The following MICU2 variants were observed in gnomAD, a reference collection of about 807,000 sequenced individuals.
The protein encoded by MICU2 is mitochondrial calcium uptake 2, also known as calcium uptake protein 2, mitochondrial.
In MICU2, 64 loss-of-function variants were observed where a neutral mutation model predicts 60.4. The ratio of observed to expected loss-of-function variants is 1.06; its 90% CI spans 0.87 to 1.31. The LOEUF (loss-of-function observed/expected upper bound fraction) is 1.31, where lower values mean the gene tolerates loss of function less well. Ranked by LOEUF, MICU2 falls within the 50% of genes most tolerant of loss-of-function variation. The pLI is 0.00. For missense variants in MICU2, 569 were observed against 531.0 expected (o/e 1.07, Z -0.70); for synonymous variants, 201 against 175.0 (o/e 1.15, Z -1.17).
chr13:21,584,241 T>C (rs1470138479), intron 1 of MICU2, among the ~76,000 whole-genome samples: 1 of 151,836 alleles, frequency 6.6e-6, no homozygotes, highest in Non-Finnish European at 1.5e-5. Context: ...TACAAAAAAT[T>C]AGCTGGGCGT....
In MICU2 at chr13:21,510,029, T is replaced by C; in HGVS notation, c.736A>G (p.Lys246Glu). The C allele has an allele frequency of 6.5e-7, 1 of 1,543,258 alleles. No homozygotes were observed. Among genetic ancestry groups the C allele is most frequent in the South Asian group, 1.3e-5 (1 of 76,204 alleles). Residue 246 changes from lysine to glutamate, a missense_variant, in exon 8 of 12, where the codon AAA (lysine) becomes GAA (glutamate). Lys to Glu is a moderately conservative substitution (Grantham distance 56). Transcript: ENST00000382374. ...CTTCGAAATTCTTTATAATGAAGTT[T>C]TCTTTGTCCTCTTTTTCCAAAGAAA... ...MRFFGKRGQR[K>E]LHYKEFRRFM...
chr13:21,504,105 C>T (rs1214002851), intron 8 of MICU2, among the ~76,000 whole-genome samples: 8 of 152,086 alleles, frequency 5.3e-5, no homozygotes, highest in African/African-American at 1.2e-4. Context: ...ACTGAATACA[C>T]GGATTCATCA....
intron 1 of MICU2, among the ~76,000 whole-genome samples, chr13:21,586,573 A>AT (rs1016125531): frequency 2.4e-4 from 36 of 150,394 alleles, no homozygotes; most frequent in East Asian, 1.6e-3. Flanking sequence ...AATCCTGGCC[A>AT]TTTTTTTTTC....
At chr13:21,569,215 G>C (rs527865873) in intron 1 of MICU2, among the ~76,000 whole-genome samples, 84 of 152,170 alleles carry the variant, frequency 5.5e-4, no homozygotes, top group African/African-American at 1.9e-3. Flanking sequence ...ACCAGTACAT[G>C]GTGAGGTATA....
intron 4 of MICU2, among the ~76,000 whole-genome samples, chr13:21,537,974 T>TTCCAGGATTTTGTCCTATTC (rs1374342731): frequency 1.3e-5 from 2 of 152,132 alleles, no homozygotes; most frequent in African/African-American, 4.8e-5. Context: ...CTTTCCTATT[T>TTCCAGGATTTTGTCCTATTC]TCCAGGATTT....
At chr13:21,506,571 T>C (rs1019978674) in intron 8 of MICU2, among the ~76,000 whole-genome samples, 1 of 152,262 alleles carries the variant, frequency 6.6e-6, no homozygotes, top group African/African-American at 2.4e-5. Flanking sequence ...TTTCTGTTTA[T>C]CCTCAGCCTA....
At chr13:21,574,754 A>G (rs1888186290) in intron 1 of MICU2, among the ~76,000 whole-genome samples, 1 of 152,202 alleles carries the variant, frequency 6.6e-6, no homozygotes, top group South Asian at 2.1e-4. Context: ...AATAATCTGG[A>G]TAAAATATAA....
chr13:21,589,082 T>G (rs1466197864), intron 1 of MICU2, among the ~76,000 whole-genome samples: 2 of 152,184 alleles, frequency 1.3e-5, no homozygotes, highest in Non-Finnish European at 1.5e-5. Context: ...GAGTAGGAGT[T>G]TGCATCATGA....
intron 1 of MICU2, among the ~76,000 whole-genome samples, chr13:21,569,327 C>G (rs113259820): frequency 3.9e-5 from 6 of 152,224 alleles, no homozygotes; most frequent in African/African-American, 1.4e-4. Context: ...TCTACTACCC[C>G]CAAACCTTTC....
chr13:21,591,440 A>G (rs772449953), intron 1 of MICU2, among the ~76,000 whole-genome samples: 10 of 152,170 alleles, frequency 6.6e-5, no homozygotes, highest in Non-Finnish European at 1.2e-4. Flanking sequence ...GACTTTTAAC[A>G]CCCCACTGTC....
chr13:21,566,863 G>A lies in MICU2; in HGVS notation c.292C>T (p.His98Tyr). The change falls in exon 2 of 12, where the codon CAT (histidine) becomes TAT (tyrosine). Residue 98 changes from histidine to tyrosine, a missense_variant. Coordinates refer to ENST00000382374, the MANE Select transcript of MICU2 (RefSeq NM_152726.3). The part of the protein sequence containing the change: ...QRFMQFSSLE[H>Y]EGEYYMTPRD... ...GGTGTCATATAATATTCTCCTTCAT[G>A]TTCGAGTGAAGAAAACTGCATGAAG... The A allele has an allele frequency of 6.2e-7, 1 of 1,612,940 alleles. No individual in the cohort carries two copies. Among genetic ancestry groups the A allele is most frequent in the Non-Finnish European group, 8.5e-7 (1 of 1,179,530 alleles).
At chr13:21,501,403 C>T (rs1886152799) in intron 9 of MICU2, among the ~76,000 whole-genome samples, 1 of 152,028 alleles carries the variant, frequency 6.6e-6, no homozygotes, top group African/African-American at 2.4e-5. Context: ...GCTGGGACTA[C>T]AGGCACCTGC....
Position 21,495,191 on chromosome 13 carries a change from C to A in MICU2, c.1170G>T (p.Val390=), listed in dbSNP as rs779477369. 2.5e-6 allele frequency: 4 copies of A among 1,607,484 alleles called. No homozygotes were observed. In the African/African-American group the frequency reaches 4.0e-5, roughly 16 times the overall value. ...AACCTCGATGCATTCTGTTTTTTAA[C>A]ACCCCAAGAAACTCTTCATGACTAA... ...ECLSHEEFLG[V]LKNRMHRGLW... The change falls in exon 11 of 12, where the codon GTG becomes GTT. Residue 390 remains valine (V), a synonymous_variant. Coordinates refer to ENST00000382374, the MANE Select transcript of MICU2 (RefSeq NM_152726.3).
chr13:21,514,322 TATCAATTGTTTGGAA>T lies in MICU2; in HGVS notation c.663+16_663+30del, dbSNP rs1024036405. Reference sequence around the variant, plus strand: ...AACAAAATAGAGTAGCTATTATAAATATCAATTGTTTGGAAATCATCTGTACATACCTGATATCCA... The same window carrying T: ...AACAAAATAGAGTAGCTATTATAAATATCATCTGTACATACCTGATATCCA... On this transcript the variant is annotated intron_variant, in intron 7 of 11. Transcript: ENST00000382374. The T allele has an allele frequency of 2.0e-6, 3 of 1,535,106 alleles. No homozygotes were observed. The highest frequency in any genetic ancestry group is 2.7e-6 in the Non-Finnish European group (3 of 1,118,916).
At chr13:21,592,688 C>T (rs1888609411) in intron 1 of MICU2, among the ~76,000 whole-genome samples, 1 of 152,192 alleles carries the variant, frequency 6.6e-6, no homozygotes, top group South Asian at 2.1e-4. Flanking sequence ...GGTTTCATCC[C>T]TGGGATGCAA....
intron 6 of MICU2, among the ~76,000 whole-genome samples, chr13:21,516,121 T>C (rs1205879300): frequency 3.3e-5 from 5 of 152,192 alleles, no homozygotes; most frequent in Non-Finnish European, 7.3e-5. Context: ...CTCCCAATTA[T>C]TATTTACAGC....
rs1888708006 is a variant in MICU2, at chr13:21,596,923, C to T, written c.210+7016G>A. Among the ~76,000 whole-genome samples the T allele has an allele frequency of 2.0e-5, 3 of 152,020 alleles. No homozygotes were observed. The South Asian group carries it at 6.2e-4, about 32-fold the overall frequency. The stretch of plus-strand genomic sequence containing the variant: ...AGTTTATTAATATAGTTGGTTTTTG[C>T]CATGTCAGGATTATTTTCCAAATTT... On this transcript the variant is annotated intron_variant, in intron 1 of 11. Transcript: ENST00000382374.
chr13:21,522,559 A>G, intron 5 of MICU2, 44 bp downstream of exon 5: 3 of 1,485,748 alleles, frequency 2.0e-6, no homozygotes, highest in Non-Finnish European at 2.8e-6. Context: ...TGGTAAGAAC[A>G]GAGAATTCCA....
chr13:21,585,010 C>G (rs1218182809), intron 1 of MICU2, among the ~76,000 whole-genome samples: 3 of 152,152 alleles, frequency 2.0e-5, no homozygotes, highest in Admixed American at 6.5e-5. Flanking sequence ...TTTGCTGTTA[C>G]AATTTGTTGT....
Sources: allele counts gnomAD v4.1 joint callset (sites outside exome capture counted in the v4.1 genomes callset), GRCh38; gene constraint gnomAD v4.1.1; transcripts MANE v1.5; gene names NCBI Gene and HGNC (gene_info 2026-07-23, HGNC 2026-07-21).